DEPTOR: variants seen among roughly 807,000 people sequenced by gnomAD.
The protein encoded by DEPTOR is DEP domain-containing mTOR-interacting protein.
DEPTOR carries 41 observed loss-of-function variants against 41.6 expected under a neutral mutation model. That is an observed-to-expected ratio of 0.98 (90% CI 0.77 to 1.28). DEPTOR has a LOEUF of 1.28. DEPTOR is among the 50% of genes most tolerant of loss of function. The pLI, the probability that DEPTOR is intolerant of heterozygous loss-of-function variation, is 0.00. For missense variants in DEPTOR, 514 were observed against 527.9 expected (o/e 0.97, Z 0.26); for synonymous variants, 195 against 192.3 (o/e 1.01, Z -0.12).
In DEPTOR at chr8:119,965,255, T is replaced by C; in HGVS notation, c.449T>C (p.Leu150Pro). Residue 150 changes from leucine (L) to proline (P), a missense_variant, in exon 4 of 9, where the codon CTC (leucine) becomes CCC (proline). Leu to Pro is a moderately conservative substitution (Grantham distance 98). Coordinates refer to ENST00000286234, the MANE Select transcript of DEPTOR (RefSeq NM_022783.4). ...AGGCTGATGAGCCCTGAAAACACAC[T>C]CCTGCAGCCCAGGGAGGAGGAAGGG... ...YEKLMSPENTLLQPREEEGVK... is the reference protein window; with the variant it reads ...YEKLMSPENTPLQPREEEGVK... 2 of 1,613,880 alleles carry C rather than the reference T, an allele frequency of 1.2e-6. No homozygotes were observed. The highest frequency in any genetic ancestry group is 1.7e-6 in the Non-Finnish European group (2 of 1,179,984).
chr8:119,996,621 G>C (rs571004757), intron 4 of DEPTOR, among the ~76,000 whole-genome samples: 9 of 152,318 alleles, frequency 5.9e-5, no homozygotes, highest in African/African-American at 1.7e-4. Context: ...AGTAATTAAA[G>C]CTGGAGGAGA....
chr8:120,000,016 G>A (rs1344156448), intron 4 of DEPTOR, among the ~76,000 whole-genome samples: 2 of 152,200 alleles, frequency 1.3e-5, no homozygotes, highest in African/African-American at 2.4e-5. Context: ...AGACTGTACC[G>A]ATGTCAACAT....
intron 1 of DEPTOR, among the ~76,000 whole-genome samples, chr8:119,917,613 A>G (rs1586613684): frequency 6.6e-6 from 1 of 152,222 alleles, no homozygotes; most frequent in African/African-American, 2.4e-5. Flanking sequence ...ACCTCTGCCT[A>G]GGAAAGCCAG....
intron 8 of DEPTOR, among the ~76,000 whole-genome samples, chr8:120,027,273 G>C (rs1481058449): frequency 1.8e-5 from 2 of 108,232 alleles, no homozygotes; most frequent in African/African-American, 6.4e-5. Flanking sequence ...CCTTTCTTTT[G>C]TAAAACATTT....
At chr8:119,900,002 T>A (rs908968372) in intron 1 of DEPTOR, among the ~76,000 whole-genome samples, 3 of 152,050 alleles carry the variant, frequency 2.0e-5, no homozygotes, top group Admixed American at 1.3e-4. Context: ...CAGGAATGGG[T>A]AAATATAAAT....
At chr8:119,931,613 T>C (rs1251883559) in intron 3 of DEPTOR, among the ~76,000 whole-genome samples, 1 of 152,150 alleles carries the variant, frequency 6.6e-6, no homozygotes, top group Non-Finnish European at 1.5e-5. Flanking sequence ...TTTCTTGAGG[T>C]GGAATGATCA....
chr8:119,908,896 C>G (rs1272035520), intron 1 of DEPTOR, among the ~76,000 whole-genome samples: 2 of 152,188 alleles, frequency 1.3e-5, no homozygotes, highest in Non-Finnish European at 2.9e-5. Flanking sequence ...TCAGATTCCT[C>G]CAGGGCAAAT....
chr8:120,039,029 G>T (rs914464928), intron 8 of DEPTOR, among the ~76,000 whole-genome samples: 1 of 152,160 alleles, frequency 6.6e-6, no homozygotes, highest in Admixed American at 6.6e-5. Flanking sequence ...ACTATGGTCC[G>T]AATGTTTACA....
intron 1 of DEPTOR, among the ~76,000 whole-genome samples, chr8:119,883,842 AG>A (rs1294667406): frequency 6.6e-6 from 1 of 152,118 alleles, no homozygotes; most frequent in Non-Finnish European, 1.5e-5. Flanking sequence ...CCTTGTTTAG[AG>A]CATCCAGCTC....
intron 3 of DEPTOR, among the ~76,000 whole-genome samples, chr8:119,941,373 C>CAA (rs749120675): frequency 0.033 from 1,300 of 38,912 alleles, 78 homozygotes; most frequent in African/African-American, 0.08. Context: ...ATCTCCATCT[C>CAA]AAAAAAAAAA....
At chr8:119,968,677 A>G (rs1828594818) in intron 4 of DEPTOR, among the ~76,000 whole-genome samples, 1 of 152,162 alleles carries the variant, frequency 6.6e-6, no homozygotes, top group Non-Finnish European at 1.5e-5. Context: ...CCATTTTACA[A>G]ATCAGAAGGT....
At chr8:119,987,238 G>A (rs183519300) in intron 4 of DEPTOR, among the ~76,000 whole-genome samples, 5 of 152,162 alleles carry the variant, frequency 3.3e-5, no homozygotes, top group South Asian at 2.1e-4. Context: ...TTTTGTTGAC[G>A]TTGATGCTAT....
intron 1 of DEPTOR, 49 bp downstream of exon 1, chr8:119,874,017 G>A (rs1827199359): frequency 6.2e-7 from 1 of 1,610,428 alleles, no homozygotes; most frequent in South Asian, 1.1e-5. Context: ...CTGCCAACGC[G>A]TGCCCGCTGC....
intron 1 of DEPTOR, among the ~76,000 whole-genome samples, chr8:119,904,000 C>T (rs1187176607): frequency 1.3e-5 from 2 of 152,100 alleles, no homozygotes; most frequent in African/African-American, 2.4e-5. Flanking sequence ...GCTATTCTGA[C>T]ATCTTGAGCC....
Position 119,990,108 on chromosome 8 carries a change from G to A in DEPTOR, c.605-11417G>A, listed in dbSNP as rs186630680. On this transcript the variant is annotated intron_variant, in intron 4 of 8. Transcript: ENST00000286234. ...CTTGTTCTGCATGTTATCACTAACA[G>A]TAGAGGTTCTTTCTAGTCTTTGGAA... Among the ~76,000 whole-genome samples, 365 of 152,286 alleles carry A rather than the reference G, an allele frequency of 2.4e-3. 1 individual carries two copies. Among genetic ancestry groups the A allele is most frequent in the African/African-American group, 8.3e-3 (345 of 41,564 alleles).
intron 1 of DEPTOR, among the ~76,000 whole-genome samples, chr8:119,891,536 A>G (rs1363958692): frequency 6.6e-6 from 1 of 152,172 alleles, no homozygotes; most frequent in Non-Finnish European, 1.5e-5. Context: ...ACTACTTACA[A>G]TGTAATTGTC....
At chr8:119,947,098 A>C (rs1200545468) in intron 3 of DEPTOR, among the ~76,000 whole-genome samples, 1 of 152,218 alleles carries the variant, frequency 6.6e-6, no homozygotes, top group South Asian at 2.1e-4. Context: ...GATTCTGTTA[A>C]GGTAAGTATT....
intron 2 of DEPTOR, among the ~76,000 whole-genome samples, chr8:119,929,144 T>A (rs1023612945): frequency 2.6e-4 from 40 of 152,164 alleles, no homozygotes; most frequent in African/African-American, 8.9e-4. Context: ...GGTTTCCAAG[T>A]TTTTGCTGTT....
At chr8:119,992,380 AATC>A (rs1349135382) in intron 4 of DEPTOR, among the ~76,000 whole-genome samples, 1 of 152,172 alleles carries the variant, frequency 6.6e-6, no homozygotes, top group Non-Finnish European at 1.5e-5. Context: ...TCAGTAGGAT[AATC>A]ATCATCTTTA....
Sources: allele counts gnomAD v4.1 joint callset (sites outside exome capture counted in the v4.1 genomes callset), GRCh38; gene constraint gnomAD v4.1.1; transcripts MANE v1.5; gene names NCBI Gene and HGNC (gene_info 2026-07-23, HGNC 2026-07-21).